The following MBD5 variants were observed in gnomAD, a reference collection of about 807,000 sequenced individuals.
The protein encoded by MBD5 is methyl-CpG binding domain protein 5, also known as methyl-CpG-binding domain protein 5.
Under a neutral mutation model 117.3 loss-of-function variants are expected in MBD5, and 13 were observed. The observed-to-expected ratio is 0.11, with a 90% CI of 0.07 to 0.18. The LOEUF (loss-of-function observed/expected upper bound fraction) is 0.18, where lower values mean the gene tolerates loss of function less well. Among genes scored for constraint, MBD5 ranks in the 10% least tolerant of loss-of-function variants. MBD5 has a pLI of 1.00. For synonymous variants in MBD5, 727 were observed against 766.4 expected, an observed-to-expected ratio of 0.95 and a Z score of 0.85; for missense variants, 1,879 against 2,093.8, an observed-to-expected ratio of 0.90 and a Z score of 2.00.
chr2:148,280,462 C>T (rs1221578760), intron 3 of MBD5, among the ~76,000 whole-genome samples: 2 of 152,114 alleles, frequency 1.3e-5, no homozygotes, highest in Non-Finnish European at 2.9e-5. Context: ...GTGGGTATCT[C>T]ACTCTGTCAC....
At chr2:148,507,010 A>G (rs994653276) in intron 12 of MBD5, among the ~76,000 whole-genome samples, 4 of 152,154 alleles carry the variant, frequency 2.6e-5, no homozygotes, top group Admixed American at 2.0e-4. Flanking sequence ...AAATCTCATG[A>G]TATATACAAA....
intron 1 of MBD5, chr2:148,062,306 T>TA (rs1230667848): frequency 1.3e-5 from 2 of 151,808 alleles, no homozygotes; most frequent in African/African-American, 2.4e-5. Flanking sequence ...TTGTAAAAAG[T>TA]AAAAAACTAC....
intron 3 of MBD5, among the ~76,000 whole-genome samples, chr2:148,277,752 A>G (rs775871982): frequency 6.6e-6 from 1 of 151,824 alleles, no homozygotes; most frequent in Non-Finnish European, 1.5e-5. Flanking sequence ...CTTCTTTCTT[A>G]TATTTACTCT....
chr2:148,457,288 G>A lies in MBD5; in HGVS notation c.-556-915G>A, dbSNP rs532998882. Among the ~76,000 whole-genome samples the A allele has an allele frequency of 4.6e-5, 7 of 152,082 alleles. No homozygotes were observed. In the South Asian group the frequency reaches 6.2e-4, roughly 14 times the overall value. On this transcript the variant is annotated intron_variant, in intron 4 of 13. Transcript: ENST00000642680. ...ACAAGTCCCATTCATTCAACACTAGGATAATTGTTTTTTACGCATTCTTTA... is the reference window on the plus strand; with the variant it reads ...ACAAGTCCCATTCATTCAACACTAGAATAATTGTTTTTTACGCATTCTTTA...
rs999636251 is a variant in MBD5, at chr2:148,498,039, G to A, written c.4963-4397G>A. ...AAATCACAGGTAGTTAAGCCAGGTC[G>A]CAACCCTGGTCTTCTATTCTATATG... On this transcript the variant is annotated intron_variant, in intron 11 of 13. Coordinates refer to ENST00000642680, the MANE Select transcript of MBD5 (RefSeq NM_001378120.1). Among the ~76,000 whole-genome samples, 11 of 152,154 alleles carry A rather than the reference G, an allele frequency of 7.2e-5. 1 individual carries two copies. Among genetic ancestry groups the A allele is most frequent in the Admixed American group, 5.2e-4 (8 of 15,274 alleles).
chr2:148,292,458 G>A (rs146981498), intron 3 of MBD5, among the ~76,000 whole-genome samples: 83 of 152,240 alleles, frequency 5.5e-4, no homozygotes, highest in Non-Finnish European at 9.1e-4. Context: ...TAGCAAACAG[G>A]TATATGAAAG....
intron 4 of MBD5, among the ~76,000 whole-genome samples, chr2:148,428,229 T>G (rs1320654062): frequency 4.6e-5 from 7 of 152,206 alleles, no homozygotes; most frequent in South Asian, 2.1e-4. Flanking sequence ...AAATCATGAG[T>G]GAACTCCCAT....
At chr2:148,471,091 A>G (rs576396407) in intron 8 of MBD5, 2 of 152,222 alleles carry the variant, frequency 1.3e-5, no homozygotes, top group South Asian at 4.2e-4. Context: ...TAAGCTTTCT[A>G]ATAAAAAAAA....
chr2:148,180,739 A>C (rs1698512827), intron 2 of MBD5, among the ~76,000 whole-genome samples: 1 of 152,026 alleles, frequency 6.6e-6, no homozygotes, highest in African/African-American at 2.4e-5. Flanking sequence ...AAGCAGAGTT[A>C]ATCACACTCT....
chr2:148,411,152 C>A (rs1032540524), intron 4 of MBD5, among the ~76,000 whole-genome samples: 1 of 152,076 alleles, frequency 6.6e-6, no homozygotes, highest in Admixed American at 6.5e-5. Flanking sequence ...AAGATAATGG[C>A]CTTGAGCTCT....
intron 5 of MBD5, among the ~76,000 whole-genome samples, chr2:148,459,416 A>G (rs1199292328): frequency 6.6e-6 from 1 of 152,206 alleles, no homozygotes; most frequent in Non-Finnish European, 1.5e-5. Context: ...AGTCATACAA[A>G]TAAAATGCCT....
chr2:148,111,307 G>T (rs1696498941), intron 1 of MBD5, among the ~76,000 whole-genome samples: 1 of 152,118 alleles, frequency 6.6e-6, no homozygotes, highest in African/African-American at 2.4e-5. Flanking sequence ...TGCCACTTTT[G>T]TTTCTGCCAA....
intron 3 of MBD5, among the ~76,000 whole-genome samples, chr2:148,242,617 T>G (rs1700239166): frequency 6.6e-6 from 1 of 152,178 alleles, no homozygotes. Flanking sequence ...TAGAGTCAGA[T>G]GGAATTTCCA....
intron 3 of MBD5, among the ~76,000 whole-genome samples, chr2:148,291,522 C>A (rs1235188858): frequency 6.6e-6 from 1 of 151,990 alleles, no homozygotes; most frequent in Non-Finnish European, 1.5e-5. Context: ...AGAAAATAAC[C>A]AATTTTTTTT....
intron 3 of MBD5, among the ~76,000 whole-genome samples, chr2:148,299,168 G>A (rs556620565): frequency 3.3e-5 from 5 of 151,018 alleles, no homozygotes; most frequent in South Asian, 2.1e-4. Context: ...TAGCTCTGTC[G>A]CCCAGGCTGG....
intron 3 of MBD5, among the ~76,000 whole-genome samples, chr2:148,260,137 A>G (rs1700699047): frequency 6.6e-6 from 1 of 152,204 alleles, no homozygotes; most frequent in Non-Finnish European, 1.5e-5. Flanking sequence ...CTAGCATAAA[A>G]TGCAGTTTGA....
At chr2:148,228,542 T>G (rs1238654614) in intron 2 of MBD5, among the ~76,000 whole-genome samples, 1 of 152,224 alleles carries the variant, frequency 6.6e-6, no homozygotes, top group East Asian at 1.9e-4. Flanking sequence ...TTTGCATCAA[T>G]GTTCATCAAT....
intron 4 of MBD5, among the ~76,000 whole-genome samples, chr2:148,418,083 C>A (rs1410579355): frequency 6.6e-6 from 1 of 151,976 alleles, no homozygotes; most frequent in African/African-American, 2.4e-5. Flanking sequence ...CAAGCAATAC[C>A]CCCATTTCAG....
chr2:148,171,247 A>T (rs1339003505), intron 1 of MBD5, among the ~76,000 whole-genome samples: 2 of 152,236 alleles, frequency 1.3e-5, no homozygotes, highest in Non-Finnish European at 2.9e-5. Flanking sequence ...AAATACTAGC[A>T]AACCAAATGC....
Sources: gnomAD v4.1 joint callset for allele counts (sites outside exome capture counted in the v4.1 genomes callset) on GRCh38, gnomAD v4.1.1 for gene constraint, MANE v1.5 for transcripts, NCBI Gene and HGNC (gene_info 2026-07-23, HGNC 2026-07-21) for gene names.